Variants in BAHCC1 observed in about 807,000 individuals in gnomAD.
BAHCC1 encodes BAH domain and coiled-coil containing 1.
A neutral mutation model predicts 88.2 loss-of-function variants in BAHCC1; 43 were observed. The ratio of observed to expected loss-of-function variants is 0.49; its 90% CI spans 0.38 to 0.63. The LOEUF is 0.63. BAHCC1 is among the 20% of genes least tolerant of loss of function. The probability of loss-of-function intolerance (pLI) is 0.00; values close to 1 mark genes in which losing one functional copy is unlikely to be tolerated. For missense variants in BAHCC1, 3,023 were observed against 1,654.8 expected (o/e 1.83, Z -14.34); for synonymous variants, 1,510 against 745.5 (o/e 2.03, Z -16.71).
In BAHCC1 at chr17:81,448,495, G is replaced by A. The variant is rs1351206135; in HGVS notation, c.3976+647G>A. 5.3e-5 allele frequency among the ~76,000 whole-genome samples: 8 copies of A among 152,204 alleles called. No homozygotes were observed. The East Asian group carries it at 5.8e-4, about 11-fold the overall frequency. On this transcript the variant is annotated intron_variant, in intron 11 of 27. Transcript: ENST00000675386. The stretch of plus-strand genomic sequence containing the variant: ...GCACTCCCTGCGGTCCAGTGCTCCC[G>A]GGAAAGCGCCCGCTTCCTGCCGTCT...
intron 3 of BAHCC1, among the ~76,000 whole-genome samples, chr17:81,430,874 G>T (rs1283917269): frequency 6.6e-6 from 1 of 152,062 alleles, no homozygotes; most frequent in African/African-American, 2.4e-5. Context: ...TATGTGGGGG[G>T]TGTGGCCCTT....
At position 81,406,989 on chromosome 17, in the gene BAHCC1, G is replaced by A. The variant is rs566715844; in HGVS notation, c.178+7072G>A. 1.7e-3 allele frequency: 763 copies of A among 456,300 alleles called. 8 individuals carry two copies. The highest frequency in any genetic ancestry group is 3.6e-3 in the South Asian group (234 of 64,574). 28.3% of individuals were successfully genotyped at this position (456,300 alleles called of 1,614,324 possible). ...TGGCGAGGAAGGGAGGGACAAACAG[G>A]TGGGCTGGGTTCCTGCCTTCCCTTC... is the stretch of plus-strand genomic sequence containing the variant. On this transcript the variant is annotated intron_variant, in intron 2 of 27. Transcript: ENST00000675386.
intron 2 of BAHCC1, among the ~76,000 whole-genome samples, chr17:81,412,753 C>T (rs2063970565): frequency 6.6e-6 from 1 of 152,268 alleles, no homozygotes; most frequent in Non-Finnish European, 1.5e-5. Context: ...CACATGATCT[C>T]ACAACTGGGT....
chr17:81,409,874 A>C (rs1306654461), intron 2 of BAHCC1, among the ~76,000 whole-genome samples: 2 of 152,054 alleles, frequency 1.3e-5, no homozygotes, highest in Non-Finnish European at 2.9e-5. Flanking sequence ...CAGGCCCTTC[A>C]CATTGTGGGT....
intron 2 of BAHCC1, among the ~76,000 whole-genome samples, chr17:81,405,525 G>C (rs1321513384): frequency 3.3e-5 from 5 of 152,056 alleles, no homozygotes; most frequent in African/African-American, 1.2e-4. Flanking sequence ...ATCCTGGCAG[G>C]GCCTTCTAAC....
chr17:81,451,908 T>C, intron 12 of BAHCC1, 38 bp downstream of exon 12: 1 of 672,384 alleles, frequency 1.5e-6, no homozygotes, highest in South Asian at 1.6e-5. Context: ...GCCCAGTGCG[T>C]TGCCACAGAG....
At chr17:81,407,465 G>A (rs371295043) in intron 2 of BAHCC1, 22 of 509,448 alleles carry the variant, frequency 4.3e-5, no homozygotes, top group East Asian at 2.2e-4. Flanking sequence ...AACCAGGGGC[G>A]CCTCCTGTTC....
chr17:81,397,386 TA>T (rs2063756441), intron 1 of BAHCC1, among the ~76,000 whole-genome samples: 1 of 140,954 alleles, frequency 7.1e-6, no homozygotes, highest in South Asian at 2.3e-4. Context: ...TGAAATTTCT[TA>T]TTGGAGAGAA....
At chr17:81,405,057 TTTTTG>T (rs1390472101) in intron 2 of BAHCC1, among the ~76,000 whole-genome samples, 1 of 150,938 alleles carries the variant, frequency 6.6e-6, no homozygotes, top group Non-Finnish European at 1.5e-5. Flanking sequence ...TTTGTTTTTG[TTTTTG>T]TTTTGTTTTT....
At position 81,459,505 on chromosome 17, in the gene BAHCC1, G is replaced by T. The variant is rs1555658535; in HGVS notation, c.5806G>T (p.Val1936Leu). Reference sequence around the variant, plus strand: ...GCCCGCGTTCCTGCAGGTTCTCGATGTGCGGCCACAGTCCAGCCGGTACCT... The same window carrying T: ...GCCCGCGTTCCTGCAGGTTCTCGATTTGCGGCCACAGTCCAGCCGGTACCT... Reference protein sequence around the residue: ...EQLLQEAVLDVRPQSSRYLPP... With the variant: ...EQLLQEAVLDLRPQSSRYLPP... Residue 1936 changes from valine to leucine, a missense_variant, in exon 23 of 28, where the codon GTG becomes TTG. By Grantham distance (32) the Val-to-Leu change is conservative. Transcript: ENST00000675386. 3.8e-6 allele frequency: 3 copies of T among 779,380 alleles called. No homozygotes were observed. The highest frequency in any genetic ancestry group is 4.8e-6 in the Non-Finnish European group (2 of 417,864). The allele number at this position is 779,380 out of a possible 1,614,324, so 48.3% of individuals were successfully genotyped here.
At chr17:81,426,226 ATAG>A (rs2064196192) in intron 2 of BAHCC1, among the ~76,000 whole-genome samples, 1 of 125,266 alleles carries the variant, frequency 8.0e-6, no homozygotes, top group Non-Finnish European at 1.6e-5. Context: ...GTTGGTGGTG[ATAG>A]TGGTGGGTGA....
chr17:81,453,636 G>A (rs978525026), intron 14 of BAHCC1, among the ~76,000 whole-genome samples: 1 of 151,948 alleles, frequency 6.6e-6, no homozygotes, highest in Non-Finnish European at 1.5e-5. Context: ...GTCTCCTGGG[G>A]GGGGGTCTCC....
At position 81,442,137 on chromosome 17, in the gene BAHCC1, G is replaced by C. The variant is rs782331941; in HGVS notation, c.788G>C (p.Arg263Thr). 7.5e-6 allele frequency: 5 copies of C among 666,970 alleles called. No homozygotes were observed. Among genetic ancestry groups the C allele is most frequent in the South Asian group, 3.3e-5 (2 of 60,562 alleles). 41.3% of individuals were successfully genotyped at this position (666,970 alleles called of 1,614,324 possible). The change falls in exon 5 of 28, where the codon AGG (arginine) becomes ACG (threonine). Residue 263 changes from arginine (R) to threonine (T), a missense_variant. Physicochemically the swap from Arg to Thr is moderately conservative, Grantham distance 71. Coordinates refer to ENST00000675386, the MANE Select transcript of BAHCC1 (RefSeq NM_001377448.1). ...VLPVPADGHCREGGPAPRGAC... is the reference protein window; with the variant it reads ...VLPVPADGHCTEGGPAPRGAC... ...CCCGTGCCAGCCGACGGGCACTGCA[G>C]GGAGGGCGGCCCCGCACCCCGAGGG...
rs76138668 is a variant in BAHCC1, at chr17:81,436,437, T to C, written c.359-1933T>C. ...GGAGGGGGGACCGGGGCTCCGTGCC[T>C]GGGAAACGGTGTCTGGGAAGGAGGA... On this transcript the variant is annotated intron_variant, in intron 3 of 27. Transcript: ENST00000675386. Among the ~76,000 whole-genome samples, 471 of 152,354 alleles carry C rather than the reference T, an allele frequency of 3.1e-3. 1 individual carries two copies. The highest frequency in any genetic ancestry group is 5.3e-3 in the Non-Finnish European group (361 of 68,028).
Position 81,428,378 on chromosome 17 carries a change from G to C in BAHCC1, c.358+1399G>C, listed in dbSNP as rs1032592279. 1.4e-3 allele frequency among the ~76,000 whole-genome samples: 218 copies of C among 152,300 alleles called. 2 individuals carry two copies. The highest frequency in any genetic ancestry group is 3.5e-3 in the Admixed American group (54 of 15,304). Reference sequence around the variant, plus strand: ...GCCTGGCACCGGGGGAGCAGGAAGGGGAGGCCTGCGGCAGCCGTGGTGAAC... The same window carrying C: ...GCCTGGCACCGGGGGAGCAGGAAGGCGAGGCCTGCGGCAGCCGTGGTGAAC... On this transcript the variant is annotated intron_variant, in intron 3 of 27. Transcript: ENST00000675386.
In BAHCC1 at chr17:81,432,362, CGTGA is replaced by C. The variant is rs1207344881; in HGVS notation, c.358+5385_358+5388del. On this transcript the variant is annotated intron_variant, in intron 3 of 27. Transcript: ENST00000675386. ...TGTGTCAAGGACGCTGCCTGGGGAACGTGAGGAAGGTCCTGGTGGACAGGCGGAA... is the reference window on the plus strand; with the variant it reads ...TGTGTCAAGGACGCTGCCTGGGGAACGGAAGGTCCTGGTGGACAGGCGGAA... Among the ~76,000 whole-genome samples, 30 of 152,200 alleles carry C rather than the reference CGTGA, an allele frequency of 2.0e-4. No homozygotes were observed. The East Asian group carries it at 5.0e-3, about 25-fold the overall frequency.
At chr17:81,441,629 T>C (rs1421286829) in intron 4 of BAHCC1, among the ~76,000 whole-genome samples, 3 of 135,048 alleles carry the variant, frequency 2.2e-5, no homozygotes, top group Non-Finnish European at 4.5e-5. Flanking sequence ...GCCACAGCAC[T>C]GCAGCCTGGG....
rs782236159 is a variant in BAHCC1, at chr17:81,447,579, G to A, written c.3707G>A (p.Ser1236Asn). 5 of 755,070 alleles carry A rather than the reference G, an allele frequency of 6.6e-6. No individual in the cohort carries two copies. Among genetic ancestry groups the A allele is most frequent in the South Asian group, 5.6e-5 (4 of 70,862 alleles). The allele number at this position is 755,070 out of a possible 1,614,324, so 46.8% of individuals were successfully genotyped here. A position where few individuals can be genotyped will look rare whatever the true frequency, so the allele number is the denominator to read the frequency against. ...GAGGAAGACGAGCTGGGGCAGCAGAGCATGGAGGACTCAGAGGAGGACTGT... is the reference window on the plus strand; with the variant it reads ...GAGGAAGACGAGCTGGGGCAGCAGAACATGGAGGACTCAGAGGAGGACTGT... ...ELEEDELGQQ[S>N]MEDSEEDCGG... is the part of the protein sequence containing the mutation. Residue 1236 changes from serine to asparagine, a missense_variant, in exon 11 of 28, where the codon AGC (serine) becomes AAC (asparagine). Ser to Asn is a conservative substitution (Grantham distance 46). Coordinates refer to ENST00000675386, the MANE Select transcript of BAHCC1 (RefSeq NM_001377448.1).
At chr17:81,430,174 A>C (rs1222343006) in intron 3 of BAHCC1, among the ~76,000 whole-genome samples, 1 of 151,884 alleles carries the variant, frequency 6.6e-6, no homozygotes, top group Non-Finnish European at 1.5e-5. Flanking sequence ...GGGGGCACAC[A>C]CAGCTGGCCC....
Sources: gnomAD v4.1 joint callset for allele counts (sites outside exome capture counted in the v4.1 genomes callset) on GRCh38, gnomAD v4.1.1 for gene constraint, MANE v1.5 for transcripts, NCBI Gene and HGNC (gene_info 2026-07-23, HGNC 2026-07-21) for gene names.